The following UBALD2 variants were observed in gnomAD, a reference collection of about 807,000 sequenced individuals.
UBALD2 encodes UBA like domain containing 2.
Under a neutral mutation model 15.9 loss-of-function variants are expected in UBALD2, and 8 were observed. The observed-to-expected ratio is 0.50, with a 90% CI of 0.29 to 0.91. UBALD2 has a LOEUF of 0.91. UBALD2 is among the 40% of genes least tolerant of loss of function. UBALD2 has a pLI of 0.07. For synonymous variants in UBALD2, 113 were observed against 97.7 expected (o/e 1.16, Z -0.93); for missense variants, 178 against 234.8 (o/e 0.76, Z 1.58).
intron 2 of UBALD2, among the ~76,000 whole-genome samples, chr17:76,267,593 A>G (rs1334043201): frequency 6.8e-6 from 1 of 146,082 alleles, no homozygotes; most frequent in Non-Finnish European, 1.5e-5. Flanking sequence ...GCCTCAAGCT[A>G]TCCTTCCGCC....
intron 2 of UBALD2, among the ~76,000 whole-genome samples, chr17:76,266,682 TCATTCTAGCC>T (rs2070548115): frequency 6.6e-6 from 1 of 152,194 alleles, no homozygotes; most frequent in Non-Finnish European, 1.5e-5. Context: ...GCTTTCTTTT[TCATTCTAGCC>T]CAGGCCCAAG....
intron 2 of UBALD2, among the ~76,000 whole-genome samples, chr17:76,268,021 C>T (rs982616929): frequency 1.3e-5 from 2 of 152,156 alleles, no homozygotes; most frequent in Non-Finnish European, 2.9e-5. Flanking sequence ...ACACTAGAGA[C>T]CAGTAACAGC....
rs984610713 is a variant in UBALD2 at position 76,270,587 on chromosome 17, C to T, written c.*82C>T. ...CACAGGAGGGCCAGGGAGGGGGGAG[C>T]CGGGGAGGGCAGGGGGTTTCCCGAA... On this transcript the variant is annotated 3_prime_UTR_variant, in exon 3 of 3. Transcript: ENST00000327490. 5.5e-5 allele frequency: 68 copies of T among 1,247,536 alleles called. No homozygotes were observed. Among genetic ancestry groups the T allele is most frequent in the Non-Finnish European group, 6.8e-5 (65 of 955,692 alleles). The allele number at this position is 1,247,536 out of a possible 1,614,324, so 77.3% of individuals were successfully genotyped here. A position where few individuals can be genotyped will look rare whatever the true frequency, so the allele number is the denominator to read the frequency against.
At chr17:76,266,571 A>C (rs902357235) in intron 2 of UBALD2, among the ~76,000 whole-genome samples, 1 of 152,200 alleles carries the variant, frequency 6.6e-6, no homozygotes, top group Non-Finnish European at 1.5e-5. Context: ...CCAGGAGGAC[A>C]CACAGATTTT....
Position 76,265,429 on chromosome 17 carries a change from G to A in UBALD2, c.-77G>A, listed in dbSNP as rs2070536433. On this transcript the variant is annotated 5_prime_UTR_variant, in exon 1 of 3. Coordinates refer to ENST00000327490, the MANE Select transcript of UBALD2 (RefSeq NM_182565.4). Reference sequence around the variant, plus strand: ...GTGAGCGCGAGCCCCGGAGCCCCGGGCGGCCGGCCTCCCGCGCCCGCGCAG... The same window carrying A: ...GTGAGCGCGAGCCCCGGAGCCCCGGACGGCCGGCCTCCCGCGCCCGCGCAG... 1 of 983,882 alleles carries A rather than the reference G, an allele frequency of 1.0e-6. No individual in the cohort carries two copies. Among genetic ancestry groups the A allele is most frequent in the Non-Finnish European group, 1.2e-6 (1 of 829,824 alleles). The allele number at this position is 983,882 out of a possible 1,614,324, so 60.9% of individuals were successfully genotyped here.
At chr17:76,270,127 G>C in intron 2 of UBALD2, 67 bp from the exon 3 acceptor site, 1 of 1,545,690 alleles carries the variant, frequency 6.5e-7, no homozygotes, top group Non-Finnish European at 8.9e-7. Context: ...GCTGGCCTGG[G>C]TAAGCCCCAT....
chr17:76,269,768 C>T lies in UBALD2; in HGVS notation c.184-426C>T, dbSNP rs925679338. 2.6e-5 allele frequency among the ~76,000 whole-genome samples: 4 copies of T among 152,184 alleles called. No individual in the cohort carries two copies. Among genetic ancestry groups the T allele is most frequent in the Non-Finnish European group, 2.9e-5 (2 of 68,026 alleles). The stretch of plus-strand genomic sequence containing the variant: ...GTTGGCACAGGAGGGAGAGCCTCCC[C>T]GCTGGCCGCTCTCCCTTGCCTAGCA... On this transcript the variant is annotated intron_variant, in intron 2 of 2. Coordinates refer to ENST00000327490, the MANE Select transcript of UBALD2 (RefSeq NM_182565.4). This position sits in a 1 kb window ranked among gnomAD's most constrained non-coding sequence, Gnocchi z 4.6.
At position 76,270,384 on chromosome 17, in the gene UBALD2, T is replaced by TTCCCCCC; in HGVS notation, c.374_375insTCCCCCC (p.Ser128ProfsTer114). 2.0e-6 allele frequency: 3 copies of TTCCCCCC among 1,504,816 alleles called. No individual in the cohort carries two copies. Among genetic ancestry groups the TTCCCCCC allele is most frequent in the Non-Finnish European group, 2.7e-6 (3 of 1,116,254 alleles). 93.2% of individuals were successfully genotyped at this position (1,504,816 alleles called of 1,614,324 possible). A position where few individuals can be genotyped will look rare whatever the true frequency, so the allele number is the denominator to read the frequency against. Reference sequence around the variant, plus strand: ...CCGCCCAGCCACCAGGCGCCCTGGATCCCGCCCTCCTCCCCCACCACCTTC... The same window carrying TTCCCCCC: ...CCGCCCAGCCACCAGGCGCCCTGGATTCCCCCCCCCGCCCTCCTCCCCCACCACCTTC... On this transcript the variant is annotated frameshift_variant, in exon 3 of 3. Transcript: ENST00000327490. LOFTEE classifies it high-confidence loss of function.
intron 2 of UBALD2, among the ~76,000 whole-genome samples, chr17:76,267,242 C>A (rs2070551852): frequency 6.6e-6 from 1 of 152,206 alleles, no homozygotes; most frequent in South Asian, 2.1e-4. Flanking sequence ...CTTCCAGATA[C>A]TACAGCCATT....
chr17:76,266,415 C>CAT (rs1491298980), intron 2 of UBALD2, among the ~76,000 whole-genome samples: 2 of 123,052 alleles, frequency 1.6e-5, no homozygotes, highest in African/African-American at 1.0e-4. Context: ...CCTCCCCCTC[C>CAT]ACACACACAC....
At chr17:76,266,414 C>CCA (rs140964056) in intron 2 of UBALD2, among the ~76,000 whole-genome samples, 16,249 of 151,220 alleles carry the variant, frequency 0.11, 2,162 homozygotes, top group African/African-American at 0.32. Flanking sequence ...CCCTCCCCCT[C>CCA]CACACACACA....
chr17:76,266,122 A>G (rs913628636), intron 2 of UBALD2, among the ~76,000 whole-genome samples, 153 bp downstream of exon 2: 1 of 152,132 alleles, frequency 6.6e-6, no homozygotes, highest in Non-Finnish European at 1.5e-5. Context: ...GGCGCCTCCA[A>G]CTTTGAGGCC....
At chr17:76,268,569 C>A (rs935880378) in intron 2 of UBALD2, among the ~76,000 whole-genome samples, 2 of 151,942 alleles carry the variant, frequency 1.3e-5, no homozygotes, top group Non-Finnish European at 2.9e-5. Context: ...CCTTTGGCCT[C>A]CCCCTGAGGA....
rs1047594999 is a variant in UBALD2, at chr17:76,269,482, G to A, written c.184-712G>A. On this transcript the variant is annotated intron_variant, in intron 2 of 2. Transcript: ENST00000327490. The surrounding 1 kb of genome is among the most constrained non-coding windows in gnomAD (Gnocchi z 4.6). The stretch of plus-strand genomic sequence containing the variant: ...AAAGGGGCTCTTGACTCTGTGCAGC[G>A]TGGCCCAGTAGATGTTAAGAGCTTG... 2.2e-4 allele frequency among the ~76,000 whole-genome samples: 33 copies of A among 150,432 alleles called. No homozygotes were observed. The highest frequency in any genetic ancestry group is 2.1e-3 in the Admixed American group (32 of 15,050).
rs2070566988 is a variant in UBALD2 at position 76,269,100 on chromosome 17, G to A, written c.184-1094G>A. On this transcript the variant is annotated intron_variant, in intron 2 of 2. Transcript: ENST00000327490. This position sits in a 1 kb window ranked among gnomAD's most constrained non-coding sequence, Gnocchi z 4.6. ...CCCCAACTCCTGCGCCTGGGGGAGG[G>A]GCCAGTGTTGCTAAAATTAGGAGAA... 6.6e-6 allele frequency among the ~76,000 whole-genome samples: 1 copy of A among 152,114 alleles called. No homozygotes were observed. The highest frequency in any genetic ancestry group is 1.5e-5 in the Non-Finnish European group (1 of 68,024).
At chr17:76,268,886 A>G (rs1026419222) in intron 2 of UBALD2, among the ~76,000 whole-genome samples, 3 of 152,000 alleles carry the variant, frequency 2.0e-5, no homozygotes, top group Non-Finnish European at 4.4e-5. Context: ...GACGCCCATC[A>G]CCACACCCAG....
chr17:76,269,569 A>C lies in UBALD2; in HGVS notation c.184-625A>C, dbSNP rs2070570194. 6.6e-6 allele frequency among the ~76,000 whole-genome samples: 1 copy of C among 152,082 alleles called. No homozygotes were observed. The highest frequency in any genetic ancestry group is 2.1e-4 in the South Asian group (1 of 4,826). ...TCAACTTGCCCTCTGCTGTGGGTGC[A>C]TTTTCGGGCAAGTGACTTGACTTCT... On this transcript the variant is annotated intron_variant, in intron 2 of 2. Coordinates refer to ENST00000327490, the MANE Select transcript of UBALD2 (RefSeq NM_182565.4). The surrounding 1 kb of genome is among the most constrained non-coding windows in gnomAD (Gnocchi z 4.6).
At chr17:76,266,319 T>C (rs918832988) in intron 2 of UBALD2, among the ~76,000 whole-genome samples, 10 of 151,548 alleles carry the variant, frequency 6.6e-5, no homozygotes, top group African/African-American at 2.2e-4. Flanking sequence ...TCTGGGGCAC[T>C]GGGAAGCCCG....
intron 2 of UBALD2, among the ~76,000 whole-genome samples, chr17:76,268,686 C>G (rs952029863): frequency 6.6e-6 from 1 of 151,720 alleles, no homozygotes; most frequent in Non-Finnish European, 1.5e-5. Flanking sequence ...GTATGTTACA[C>G]ACCCCCTACA....
Sources: allele counts gnomAD v4.1 joint callset (sites outside exome capture counted in the v4.1 genomes callset), GRCh38; gene constraint gnomAD v4.1.1; non-coding constraint Gnocchi (gnomAD v3.1); transcripts MANE v1.5; gene names NCBI Gene and HGNC (gene_info 2026-07-23, HGNC 2026-07-21).